Variants in WDR7 observed in about 807,000 individuals in gnomAD.
WDR7 encodes WD repeat-containing protein 7.
WDR7 carries 46 observed loss-of-function variants against 169.4 expected under a neutral mutation model. The observed-to-expected ratio is 0.27, with a 90% CI of 0.21 to 0.35. The LOEUF is 0.35. Among genes scored for constraint, WDR7 ranks in the 10% least tolerant of loss-of-function variants. The probability of loss-of-function intolerance (pLI) is 1.00; values close to 1 mark genes in which losing one functional copy is unlikely to be tolerated. For synonymous variants in WDR7, 612 were observed against 666.8 expected (o/e 0.92, Z 1.27); for missense variants, 1,534 against 1,859.3 (o/e 0.83, Z 3.22).
intron 25 of WDR7, 125 bp downstream of exon 25, chr18:56,939,518 A>G (rs1285671521): frequency 1.8e-6 from 1 of 553,804 alleles, no homozygotes; most frequent in Non-Finnish European, 2.9e-6. Context: ...ATGTCTGCTT[A>G]CTTTCTAAAA....
At chr18:56,773,702 T>A (rs6566833) in intron 16 of WDR7, among the ~76,000 whole-genome samples, 60,793 of 151,880 alleles carry the variant, frequency 0.4, 12,715 homozygotes, top group Non-Finnish European at 0.45. Context: ...TGTTGATTTA[T>A]AAGGTGGCTA....
intron 22 of WDR7, among the ~76,000 whole-genome samples, chr18:56,929,808 A>G (rs767370260): frequency 4.6e-5 from 7 of 152,276 alleles, no homozygotes; most frequent in African/African-American, 9.6e-5. Flanking sequence ...TGAGAAAAGT[A>G]GAAACATATA....
intron 26 of WDR7, among the ~76,000 whole-genome samples, chr18:56,996,527 A>G (rs779790017): frequency 1.6e-4 from 25 of 152,248 alleles, no homozygotes; most frequent in Non-Finnish European, 2.8e-4. Context: ...TAGTTTTGAC[A>G]AATGGTTGTA....
At chr18:56,682,393 G>A (rs1365808222) in intron 4 of WDR7, among the ~76,000 whole-genome samples, 1 of 152,056 alleles carries the variant, frequency 6.6e-6, no homozygotes, top group Non-Finnish European at 1.5e-5. Flanking sequence ...GCTAGAGGGG[G>A]ATAAAAACAA....
chr18:56,877,823 G>T (rs896266957), intron 20 of WDR7, among the ~76,000 whole-genome samples: 2 of 152,190 alleles, frequency 1.3e-5, no homozygotes, highest in East Asian at 1.9e-4. Context: ...GACCTTTAGG[G>T]CAGGAGGGCA....
chr18:56,892,573 T>C (rs555075673), intron 21 of WDR7, among the ~76,000 whole-genome samples: 4 of 152,094 alleles, frequency 2.6e-5, no homozygotes, highest in Admixed American at 6.6e-5. Flanking sequence ...ACCCATGTGT[T>C]TACGTATTAT....
At chr18:56,792,612 G>GT (rs71169398) in intron 19 of WDR7, among the ~76,000 whole-genome samples, 78,580 of 133,982 alleles carry the variant, frequency 0.59, 23,643 homozygotes, top group East Asian at 0.75. Context: ...TTAAATCTTT[G>GT]TTTTTTTTTT....
chr18:56,776,774 T>C lies in WDR7; in HGVS notation c.2849-8T>C. ...CTCCTCTTTACTTCTTCTCTTTTCC[T>C]CTGCAAGTTGCTGCACCTGTCGTTT... On this transcript the variant is annotated splice_region_variant and splice_polypyrimidine_tract_variant and intron_variant, in intron 16 of 27. Transcript: ENST00000254442. 4.3e-6 allele frequency: 7 copies of C among 1,613,178 alleles called. No individual in the cohort carries two copies. The highest frequency in any genetic ancestry group is 5.9e-6 in the Non-Finnish European group (7 of 1,179,196).
intron 2 of WDR7, among the ~76,000 whole-genome samples, chr18:56,675,309 G>C (rs2144538304): frequency 6.6e-6 from 1 of 152,100 alleles, no homozygotes; most frequent in African/African-American, 2.4e-5. Flanking sequence ...GGAGAGTACT[G>C]CTATTTTAAC....
chr18:56,949,982 T>G (rs2047158650), intron 25 of WDR7, among the ~76,000 whole-genome samples: 1 of 152,236 alleles, frequency 6.6e-6, no homozygotes, highest in South Asian at 2.1e-4. Flanking sequence ...ATAAATCTTG[T>G]CAGTTGTTTT....
chr18:56,934,624 A>C (rs2145684515), intron 22 of WDR7, among the ~76,000 whole-genome samples: 1 of 152,256 alleles, frequency 6.6e-6, no homozygotes, highest in African/African-American at 2.4e-5. Flanking sequence ...TAACAGTCAC[A>C]AAGACTTATA....
rs370896591 is a variant in WDR7, at chr18:56,924,106, C to T, written c.3711C>T (p.Ala1237=). The T allele has an allele frequency of 1.2e-6, 2 of 1,611,760 alleles. No homozygotes were observed. The highest frequency in any genetic ancestry group is 2.7e-5 in the African/African-American group (2 of 74,800). ...GTGCCGATGCCGAGAAACAACTTGC[C>T]AAGTATGTGTGGATTCCGGTTAATT... ...ELCADAEKQL[A]NITMGLPLSP... The change falls in exon 22 of 28, where the codon GCC becomes GCT. Residue 1237 remains alanine, a splice_region_variant and synonymous_variant. Transcript: ENST00000254442.
chr18:56,710,097 G>C (rs1224736907), intron 12 of WDR7, among the ~76,000 whole-genome samples: 1 of 147,660 alleles, frequency 6.8e-6, no homozygotes, highest in Non-Finnish European at 1.5e-5. Flanking sequence ...TCCACCTCTT[G>C]GGTTCATGCC....
In WDR7 at chr18:56,691,728, A is replaced by T; in HGVS notation, c.877A>T (p.Ser293Cys). The T allele has an allele frequency of 6.2e-7, 1 of 1,609,998 alleles. No individual in the cohort carries two copies. Among genetic ancestry groups the T allele is most frequent in the Middle Eastern group, 1.8e-4 (1 of 5,434 alleles). The change falls in exon 9 of 28, where the codon AGT (serine) becomes TGT (cysteine). Residue 293 changes from serine (S) to cysteine (C), a missense_variant. By Grantham distance (112) the Ser-to-Cys change is moderately radical. Coordinates refer to ENST00000254442, the MANE Select transcript of WDR7 (RefSeq NM_015285.3). The stretch of plus-strand genomic sequence containing the variant: ...TCCCATATTCAGTTGCCTTCCAGCT[A>T]GTGATTCATTCCGCAGTGATGTGGG... ...YKLPASCLPA[S>C]DSFRSDVGKA...
intron 20 of WDR7, among the ~76,000 whole-genome samples, chr18:56,819,927 A>G (rs2045057980): frequency 1.3e-5 from 2 of 152,140 alleles, no homozygotes; most frequent in African/African-American, 2.4e-5. Flanking sequence ...TTTATAAATA[A>G]CACTTTCCTA....
At position 56,758,888 on chromosome 18, in the gene WDR7, A is replaced by G; in HGVS notation, c.2783A>G (p.Asp928Gly). Residue 928 changes from aspartate (D) to glycine (G), a missense_variant, in exon 16 of 28, where the codon GAC becomes GGC. Physicochemically the swap from Asp to Gly is moderately conservative, Grantham distance 94. Transcript: ENST00000254442. ...AGGCCACCTAGACCAAGCACCCCAG[A>G]CCTTTCTAAGGCAAGGGGTTCCCCT... The part of the protein sequence containing the change: ...PTRPPRPSTP[D>G]LSKARGSPPT... 3 of 1,613,220 alleles carry G rather than the reference A, an allele frequency of 1.9e-6. No homozygotes were observed. The highest frequency in any genetic ancestry group is 2.5e-6 in the Non-Finnish European group (3 of 1,179,512).
intron 20 of WDR7, among the ~76,000 whole-genome samples, chr18:56,850,442 A>G (rs2045624630): frequency 1.3e-5 from 2 of 152,138 alleles, no homozygotes; most frequent in African/African-American, 4.8e-5. Flanking sequence ...TTTGCCATGT[A>G]TACGTAGATT....
At chr18:56,996,445 A>T (rs745611515) in intron 26 of WDR7, among the ~76,000 whole-genome samples, 10 of 152,222 alleles carry the variant, frequency 6.6e-5, no homozygotes, top group Non-Finnish European at 1.2e-4. Flanking sequence ...ATTTTCAGAA[A>T]GATAAAACAG....
chr18:56,678,502 CTT>C (rs148069514), intron 2 of WDR7, among the ~76,000 whole-genome samples: 139,244 of 151,600 alleles, frequency 0.92, 65,040 homozygotes, highest in East Asian at 1. Context: ...ACACTGTGGT[CTT>C]TTTTTTTTTT....
Sources: gnomAD v4.1 joint callset for allele counts (sites outside exome capture counted in the v4.1 genomes callset) on GRCh38, gnomAD v4.1.1 for gene constraint, MANE v1.5 for transcripts, NCBI Gene and HGNC (gene_info 2026-07-23, HGNC 2026-07-21) for gene names.